Variants in B9D1 observed in about 807,000 individuals in gnomAD.
B9D1 encodes the protein B9 domain containing 1, also known as B9 domain-containing protein 1.
B9D1 carries 20 observed loss-of-function variants against 26.1 expected under a neutral mutation model. The ratio of observed to expected loss-of-function variants is 0.77; its 90% CI spans 0.54 to 1.12. The LOEUF is 1.12. Ranked by LOEUF, B9D1 falls within the 50% of genes most tolerant of loss-of-function variation. The pLI, the probability that B9D1 is intolerant of heterozygous loss-of-function variation, is 0.00. For synonymous variants in B9D1, 105 were observed against 103.1 expected (o/e 1.02, Z -0.11); for missense variants, 260 against 273.7 (o/e 0.95, Z 0.35).
upstream of B9D1, among the ~76,000 whole-genome samples, chr17:19,367,308 CTT>C (rs35898862): frequency 3.0e-4 from 36 of 121,456 alleles, no homozygotes; most frequent in Middle Eastern, 4.4e-3. Flanking sequence ...TAAAATCAAT[CTT>C]TTTTTTTTTT....
chr17:19,338,181 A>G (rs1907612526), downstream of B9D1, among the ~76,000 whole-genome samples: 1 of 152,230 alleles, frequency 6.6e-6, no homozygotes, highest in African/African-American at 2.4e-5. Context: ...AGGAGCAGAG[A>G]ATGGGAGACT....
At position 19,362,501 on chromosome 17, in the gene B9D1, G is replaced by T. The variant is rs751608872; in HGVS notation, c.63+6C>A. On this transcript the variant is annotated splice_donor_region_variant and intron_variant, in intron 1 of 6. Coordinates refer to ENST00000261499, the MANE Select transcript of B9D1 (RefSeq NM_015681.6). ...GCGGGCCCCGGCGGGGTCCACGGCC[G>T]CTCACCTGGGCGCTCTCCACCTGCC... The T allele has an allele frequency of 7.1e-6, 11 of 1,560,256 alleles. No individual in the cohort carries two copies. Among genetic ancestry groups the T allele is most frequent in the Middle Eastern group, 2.1e-4 (1 of 4,712 alleles).
intron 3 of B9D1, among the ~76,000 whole-genome samples, chr17:19,352,243 T>G (rs1234595547): frequency 6.6e-6 from 1 of 152,208 alleles, no homozygotes; most frequent in Non-Finnish European, 1.5e-5. Context: ...TTTTGCCTCT[T>G]TCATCTCTTC....
Position 19,370,410 on chromosome 17 carries a change from G to A in B9D1, c.-298+7449C>T, listed in dbSNP as rs1185415983. Among the ~76,000 whole-genome samples the A allele has an allele frequency of 6.6e-6, 1 of 152,168 alleles. No homozygotes were observed. The highest frequency in any genetic ancestry group is 1.5e-5 in the Non-Finnish European group (1 of 68,020). On this transcript the variant is annotated intron_variant, in intron 1 of 5. Coordinates refer to the B9D1 transcript ENST00000477478. The surrounding 1 kb of genome is among the most constrained non-coding windows in gnomAD (Gnocchi z 5.1). ...AGAAGAGCAGAGGGCCAGGAGAAGGGGCGTGTGGCTGTGTGGTTGACATCT... is the reference window on the plus strand; with the variant it reads ...AGAAGAGCAGAGGGCCAGGAGAAGGAGCGTGTGGCTGTGTGGTTGACATCT...
rs141548329 is a variant in B9D1 at position 19,359,404 on chromosome 17, G to A, written c.132+916C>T. Among the ~76,000 whole-genome samples, 9 of 152,284 alleles carry A rather than the reference G, an allele frequency of 5.9e-5. No homozygotes were observed. The East Asian group carries it at 1.7e-3, about 29-fold the overall frequency. On this transcript the variant is annotated intron_variant, in intron 2 of 6. Transcript: ENST00000261499. This position sits in a 1 kb window ranked among gnomAD's most constrained non-coding sequence, Gnocchi z 5.0. Reference sequence around the variant, plus strand: ...GGCAAGCTCCTGCTCCAGGGCCTTTGCACTCTCTGCTGTTTCTGCCTGGAC... The same window carrying A: ...GGCAAGCTCCTGCTCCAGGGCCTTTACACTCTCTGCTGTTTCTGCCTGGAC...
chr17:19,377,739 G>C, intron 1 of B9D1: 1 of 723,498 alleles, frequency 1.4e-6, no homozygotes, highest in Non-Finnish European at 1.7e-6. Context: ...GTTCCAGCGA[G>C]GGCTCCGCCC....
At position 19,370,723 on chromosome 17, in the gene B9D1, G is replaced by T. The variant is rs1410761322; in HGVS notation, c.-298+7136C>A. 6.6e-6 allele frequency among the ~76,000 whole-genome samples: 1 copy of T among 152,168 alleles called. No homozygotes were observed. The highest frequency in any genetic ancestry group is 1.5e-5 in the Non-Finnish European group (1 of 68,030). On this transcript the variant is annotated intron_variant, in intron 1 of 5. Coordinates refer to the B9D1 transcript ENST00000477478. The surrounding 1 kb of genome is among the most constrained non-coding windows in gnomAD (Gnocchi z 5.1). ...GTGTCTGGAGCCATCTGGCCGTGAG[G>T]TCAGCCACCCAGCCAGGCCTCTGGA...
At chr17:19,371,977 A>G (rs1175597239) in intron 1 of B9D1, 1 of 152,174 alleles carries the variant, frequency 6.6e-6, no homozygotes, top group Non-Finnish European at 1.5e-5. Flanking sequence ...TGTGTGTGTA[A>G]AGAAGGAAAA....
Position 19,360,325 on chromosome 17 carries a change from T to TG in B9D1, c.126dup (p.Thr43HisfsTer29). 6.2e-7 allele frequency: 1 copy of TG among 1,613,916 alleles called. No homozygotes were observed. The highest frequency in any genetic ancestry group is 8.5e-7 in the Non-Finnish European group (1 of 1,179,990). ...GGCCCAAGAGTCCAGCTTACCGCTG[T>TG]GGGGGCCCAGTCCTGGCCGTACACA... On this transcript the variant is annotated frameshift_variant, in exon 2 of 7. Coordinates refer to ENST00000261499, the MANE Select transcript of B9D1 (RefSeq NM_015681.6). LOFTEE classifies it high-confidence loss of function.
chr17:19,356,679 C>T (rs1910401637), intron 3 of B9D1, among the ~76,000 whole-genome samples: 1 of 152,170 alleles, frequency 6.6e-6, no homozygotes, highest in Non-Finnish European at 1.5e-5. Flanking sequence ...TCTCAATCAC[C>T]TCTATTGAAA....
chr17:19,373,216 C>T (rs1911974006), intron 1 of B9D1, among the ~76,000 whole-genome samples: 1 of 152,108 alleles, frequency 6.6e-6, no homozygotes, highest in African/African-American at 2.4e-5. Flanking sequence ...AGGAAGGTCT[C>T]CAGGCTTGGA....
intron 3 of B9D1, among the ~76,000 whole-genome samples, chr17:19,349,134 TTCCTGC>T (rs1247600838): frequency 6.6e-6 from 1 of 152,230 alleles, no homozygotes; most frequent in Non-Finnish European, 1.5e-5. Context: ...TGGTATCTGA[TTCCTGC>T]TCCTCTGTAC....
At chr17:19,357,040 T>C (rs888783572) in intron 3 of B9D1, among the ~76,000 whole-genome samples, 18 of 152,198 alleles carry the variant, frequency 1.2e-4, no homozygotes, top group East Asian at 3.8e-4. Flanking sequence ...CCACGTGCAG[T>C]AGAAAGGCCT....
chr17:19,347,881 C>T lies in B9D1; in HGVS notation c.245-1G>A, dbSNP rs1197086712. Reference sequence around the variant, plus strand: ...TACACGCTGAGCACGATCTGTGGCCCTTGGGAAGGACAAGGCAGGGGGTGG... The same window carrying T: ...TACACGCTGAGCACGATCTGTGGCCTTTGGGAAGGACAAGGCAGGGGGTGG... On this transcript the variant is annotated splice_acceptor_variant, in intron 3 of 6. Transcript: ENST00000261499. LOFTEE classifies it high-confidence loss of function. The surrounding 1 kb of genome is among the most constrained non-coding windows in gnomAD (Gnocchi z 4.3). The T allele has an allele frequency of 6.2e-7, 1 of 1,613,876 alleles. No homozygotes were observed. The highest frequency in any genetic ancestry group is 1.3e-5 in the African/African-American group (1 of 74,928).
intron 1 of B9D1, among the ~76,000 whole-genome samples, chr17:19,376,430 C>T (rs1912103085): frequency 6.6e-6 from 1 of 151,962 alleles, no homozygotes; most frequent in African/African-American, 2.4e-5. Context: ...AAATATTTGT[C>T]TATTCTCTCT....
In B9D1 at chr17:19,347,930, G is replaced by T; in HGVS notation, c.245-50C>A. On this transcript the variant is annotated intron_variant, in intron 3 of 6. Coordinates refer to ENST00000261499, the MANE Select transcript of B9D1 (RefSeq NM_015681.6). The surrounding 1 kb of genome is among the most constrained non-coding windows in gnomAD (Gnocchi z 4.3). ...GGGCACATGAGGACACACAGGGGAG[G>T]TGCAGGGCAGAGAACAGGGCGTGTC... The T allele has an allele frequency of 6.6e-7, 1 of 1,513,852 alleles. No homozygotes were observed. Among genetic ancestry groups the T allele is most frequent in the Admixed American group, 1.7e-5 (1 of 58,908 alleles). The allele number at this position is 1,513,852 out of a possible 1,614,324, so 93.8% of individuals were successfully genotyped here.
At chr17:19,365,623 G>T (rs1165287607), upstream of B9D1, among the ~76,000 whole-genome samples, 2 of 152,178 alleles carry the variant, frequency 1.3e-5, no homozygotes, top group Admixed American at 1.3e-4. This position sits in a 1 kb window ranked among gnomAD's most constrained non-coding sequence, Gnocchi z 5.0. Flanking sequence ...GGCCTTGCAG[G>T]TCTACCATGC....
chr17:19,352,514 A>AT (rs34659490), intron 3 of B9D1, among the ~76,000 whole-genome samples: 6,554 of 95,038 alleles, frequency 0.069, 465 homozygotes, highest in East Asian at 0.17. Flanking sequence ...GGCCTGGCTA[A>AT]TTTTTTTTTT....
chr17:19,343,326 G>T lies in B9D1; in HGVS notation c.608C>A (p.Pro203His). 1 of 1,614,178 alleles carries T rather than the reference G, an allele frequency of 6.2e-7. No homozygotes were observed. The highest frequency in any genetic ancestry group is 8.5e-7 in the Non-Finnish European group (1 of 1,180,018). Residue 203 changes from proline (P) to histidine (H), a missense_variant, in exon 7 of 7, where the codon CCC (proline) becomes CAC (histidine). Transcript: ENST00000261499. ...VLGPSPPQSF[P>H]Q ...GTGCAGCCTGTGGAGCCTTCACTGG[G>T]GGAAGCTCTGGGGTGGGCTGGGCCC... is the stretch of plus-strand genomic sequence containing the variant.
Sources: allele counts gnomAD v4.1 joint callset (sites outside exome capture counted in the v4.1 genomes callset), GRCh38; gene constraint gnomAD v4.1.1; non-coding constraint Gnocchi (gnomAD v3.1); transcripts MANE v1.5; gene names NCBI Gene and HGNC (gene_info 2026-07-23, HGNC 2026-07-21).